The following MBP variants were observed in gnomAD, a reference collection of about 807,000 sequenced individuals.
The protein encoded by MBP is myelin basic protein, also known as Golli-MBP.
MBP carries 16 observed loss-of-function variants against 35.8 expected under a neutral mutation model. That is an observed-to-expected ratio of 0.45 (90% CI 0.30 to 0.68). The LOEUF is 0.68. Among genes scored for constraint, MBP ranks in the 30% least tolerant of loss-of-function variants. The pLI, the probability that MBP is intolerant of heterozygous loss-of-function variation, is 0.08. For missense variants in MBP, 380 were observed against 404.7 expected, an observed-to-expected ratio of 0.94 and a Z score of 0.52; for synonymous variants, 143 against 159.6, an observed-to-expected ratio of 0.90 and a Z score of 0.78.
chr18:76,998,649 C>G (rs770428636), intron 4 of MBP, among the ~76,000 whole-genome samples: 11 of 152,314 alleles, frequency 7.2e-5, no homozygotes, highest in Middle Eastern at 3.4e-3. Context: ...GGCATCGGGA[C>G]ATTGCTGCTC....
chr18:76,993,022 C>T (rs1255855589), intron 4 of MBP, among the ~76,000 whole-genome samples: 1 of 152,218 alleles, frequency 6.6e-6, no homozygotes, highest in Non-Finnish European at 1.5e-5. Context: ...ATGCATAGGG[C>T]CTACTCAGCA....
chr18:77,061,160 C>T (rs1423411859), intron 3 of MBP, among the ~76,000 whole-genome samples: 3 of 152,156 alleles, frequency 2.0e-5, no homozygotes, highest in South Asian at 2.1e-4. Context: ...GCTTGCAATG[C>T]GGAAGATTCA....
chr18:77,130,534 G>A (rs749154823), intron 1 of MBP, among the ~76,000 whole-genome samples: 2 of 151,924 alleles, frequency 1.3e-5, no homozygotes, highest in Middle Eastern at 3.2e-3. Context: ...ACTCCCAGGC[G>A]ACAGAAAAGG....
At chr18:77,022,946 A>G (rs1340569384) in intron 3 of MBP, among the ~76,000 whole-genome samples, 2 of 152,254 alleles carry the variant, frequency 1.3e-5, no homozygotes, top group South Asian at 2.1e-4. Context: ...TTGGATATTT[A>G]TAGAGCAGAG....
intron 3 of MBP, among the ~76,000 whole-genome samples, chr18:77,032,011 G>A (rs1290598768): frequency 6.6e-6 from 1 of 152,252 alleles, no homozygotes; most frequent in African/African-American, 2.4e-5. Context: ...TTTTCTGGGG[G>A]TGGAGGTGAG....
At chr18:77,067,118 T>A (rs1194041138) in intron 2 of MBP, among the ~76,000 whole-genome samples, 1 of 152,224 alleles carries the variant, frequency 6.6e-6, no homozygotes, top group Non-Finnish European at 1.5e-5. Flanking sequence ...ACTTAACTAT[T>A]TTGAAATGTC....
intron 2 of MBP, among the ~76,000 whole-genome samples, chr18:77,096,312 A>G (rs1555728414): frequency 1.3e-5 from 2 of 152,154 alleles, no homozygotes; most frequent in Non-Finnish European, 2.9e-5. Context: ...TGTCATTTTA[A>G]TAGTATCTGG....
At chr18:77,025,384 C>T (rs1972167056) in intron 3 of MBP, among the ~76,000 whole-genome samples, 1 of 152,214 alleles carries the variant, frequency 6.6e-6, no homozygotes, top group Non-Finnish European at 1.5e-5. Flanking sequence ...GCCAGGGCCC[C>T]CGCCTGCAGC....
chr18:77,073,458 C>T (rs1974530203), intron 2 of MBP, among the ~76,000 whole-genome samples: 1 of 152,208 alleles, frequency 6.6e-6, no homozygotes, highest in Non-Finnish European at 1.5e-5. Context: ...TCCCTAATAC[C>T]CAGTTCACAC....
intron 2 of MBP, among the ~76,000 whole-genome samples, chr18:77,081,771 C>CACACACACATATATATACACACACTATAT (rs1974918970): frequency 3.4e-5 from 4 of 117,526 alleles, no homozygotes; most frequent in African/African-American, 1.3e-4. Flanking sequence ...TATATATACA[C>CACACACACATATATATACACACACTATAT]ACACACACAC....
chr18:77,021,770 A>C (rs111985145), intron 3 of MBP, among the ~76,000 whole-genome samples: 1 of 152,190 alleles, frequency 6.6e-6, no homozygotes, highest in Non-Finnish European at 1.5e-5. Flanking sequence ...GGTGTGAGCC[A>C]CCGTGCCCAG....
At chr18:77,072,332 C>G (rs766972103) in intron 2 of MBP, among the ~76,000 whole-genome samples, 1 of 152,160 alleles carries the variant, frequency 6.6e-6, no homozygotes, top group Non-Finnish European at 1.5e-5. Flanking sequence ...TATTCCCTGC[C>G]GTAGACAGAT....
intron 1 of MBP, among the ~76,000 whole-genome samples, chr18:77,127,003 C>T (rs1017823177): frequency 2.6e-5 from 4 of 152,168 alleles, no homozygotes; most frequent in African/African-American, 9.7e-5. Context: ...AAAATCCCAG[C>T]AAGGTTTTTG....
intron 2 of MBP, among the ~76,000 whole-genome samples, chr18:77,083,766 A>G (rs1186691160): frequency 6.6e-6 from 1 of 152,262 alleles, no homozygotes; most frequent in African/African-American, 2.4e-5. Flanking sequence ...GATCATGGAA[A>G]TCATTCCACT....
In MBP at chr18:77,016,709, G is replaced by C. The variant is rs989122046; in HGVS notation, c.576+123C>G. On this transcript the variant is annotated intron_variant, in intron 4 of 8. Transcript: ENST00000355994. ...GGGCTCATATGCATTCTCCAGCACGGAACGAGACCTTAGACAGCAAGAGGC... is the reference window on the plus strand; with the variant it reads ...GGGCTCATATGCATTCTCCAGCACGCAACGAGACCTTAGACAGCAAGAGGC... The C allele has an allele frequency of 4.0e-5, 59 of 1,475,718 alleles. No individual in the cohort carries two copies. In the East Asian group the frequency reaches 1.4e-3, roughly 36 times the overall value. The allele number at this position is 1,475,718 out of a possible 1,614,324, so 91.4% of individuals were successfully genotyped here.
intron 1 of MBP, among the ~76,000 whole-genome samples, chr18:77,115,941 G>A (rs1976646914): frequency 6.6e-6 from 1 of 151,882 alleles, no homozygotes; most frequent in Non-Finnish European, 1.5e-5. Flanking sequence ...CAGAAGACCT[G>A]GCTCTGAGCT....
At chr18:77,133,296 C>T (rs1432162633), upstream of MBP, among the ~76,000 whole-genome samples, 1 of 152,242 alleles carries the variant, frequency 6.6e-6, no homozygotes, top group Non-Finnish European at 1.5e-5. Context: ...AGGCCAGGCC[C>T]ATGTCCGGCT....
At chr18:77,104,892 T>TTC (rs1440641734) in intron 2 of MBP, among the ~76,000 whole-genome samples, 1 of 152,154 alleles carries the variant, frequency 6.6e-6, no homozygotes, top group African/African-American at 2.4e-5. Context: ...CTCTTTCTCT[T>TTC]TCTTCTTCTC....
intron 3 of MBP, among the ~76,000 whole-genome samples, chr18:77,045,808 C>T (rs1973226456): frequency 6.6e-6 from 1 of 152,160 alleles, no homozygotes; most frequent in Non-Finnish European, 1.5e-5. Flanking sequence ...GTAGGCAGCA[C>T]AGAAAAAAGG....
Sources: allele counts gnomAD v4.1 joint callset (sites outside exome capture counted in the v4.1 genomes callset), GRCh38; gene constraint gnomAD v4.1.1; transcripts MANE v1.5; gene names NCBI Gene and HGNC (gene_info 2026-07-23, HGNC 2026-07-21).